Variants in ZFHX3 observed in about 807,000 individuals in gnomAD.
The protein encoded by ZFHX3 is zinc finger homeobox protein 3.
A neutral mutation model predicts 279.1 loss-of-function variants in ZFHX3; 42 were observed. That is an observed-to-expected ratio of 0.15 (90% CI 0.12 to 0.19). The LOEUF (loss-of-function observed/expected upper bound fraction) is 0.19. Ranked by LOEUF, ZFHX3 falls within the 10% of genes least tolerant of loss-of-function variation. The pLI is 1.00. For synonymous variants in ZFHX3, 2,293 were observed against 1,957.8 expected (o/e 1.17, Z -4.52); for missense variants, 4,981 against 4,754.0 (o/e 1.05, Z -1.40).
chr16:73,095,087 T>A (rs1251976264), intron 7 of ZFHX3, among the ~76,000 whole-genome samples: 24 of 151,914 alleles, frequency 1.6e-4, no homozygotes. Flanking sequence ...GCTTATCTTT[T>A]TTTACTTTTT....
At chr16:73,063,554 A>C (rs557235801), upstream of ZFHX3, among the ~76,000 whole-genome samples, 1 of 152,082 alleles carries the variant, frequency 6.6e-6, no homozygotes, top group Non-Finnish European at 1.5e-5. Flanking sequence ...CCAGATCTCA[A>C]AAGTTTGCTC....
intron 3 of ZFHX3, among the ~76,000 whole-genome samples, chr16:73,320,977 T>C (rs915214994): frequency 2.6e-5 from 4 of 152,182 alleles, no homozygotes; most frequent in African/African-American, 4.8e-5. Context: ...ACTGACTCAG[T>C]TCCTTCTTTG....
chr16:73,452,660 T>G (rs1236119985), intron 3 of ZFHX3, among the ~76,000 whole-genome samples: 1 of 152,210 alleles, frequency 6.6e-6, no homozygotes, highest in Non-Finnish European at 1.5e-5. Flanking sequence ...AACTAAGACA[T>G]TTGTGAAGAC....
chr16:73,488,328 T>C (rs1190320660), intron 2 of ZFHX3, among the ~76,000 whole-genome samples: 1 of 152,098 alleles, frequency 6.6e-6, no homozygotes, highest in Admixed American at 6.5e-5. Flanking sequence ...CAGCCTACTA[T>C]AGTGCTGATG....
At chr16:72,869,286 G>C (rs2038095669) in intron 4 of ZFHX3, among the ~76,000 whole-genome samples, 1 of 152,114 alleles carries the variant, frequency 6.6e-6, no homozygotes, top group African/African-American at 2.4e-5. Flanking sequence ...ACAGTTACCA[G>C]CCCCTCTGCC....
At chr16:73,758,535 C>G (rs1316006326) in intron 1 of ZFHX3, among the ~76,000 whole-genome samples, 2 of 152,186 alleles carry the variant, frequency 1.3e-5, no homozygotes, top group African/African-American at 2.4e-5. Context: ...TGGACACGGC[C>G]TTCGTGGGGC....
rs183259562 is a variant in ZFHX3, at chr16:73,234,545, G to A, written c.-1104+22502C>T. 1.1e-3 allele frequency among the ~76,000 whole-genome samples: 168 copies of A among 152,310 alleles called. 1 individual carries two copies. Among genetic ancestry groups the A allele is most frequent in the Non-Finnish European group, 1.4e-3 (92 of 68,036 alleles). On this transcript the variant is annotated intron_variant, in intron 5 of 17. Coordinates refer to the ZFHX3 transcript ENST00000641206. ...AACCTCATGATGGCCAAAGCCAGGCGGGCGGGGATTGCTTTCTGCTCTGGG... is the reference window on the plus strand; with the variant it reads ...AACCTCATGATGGCCAAAGCCAGGCAGGCGGGGATTGCTTTCTGCTCTGGG...
intron 5 of ZFHX3, among the ~76,000 whole-genome samples, chr16:73,153,946 C>T (rs538776476): frequency 1.4e-3 from 214 of 152,062 alleles, no homozygotes; most frequent in Non-Finnish European, 2.6e-3. Context: ...CCTCATGATC[C>T]GCCCGCCCCA....
chr16:72,798,568 T>C lies in ZFHX3; in HGVS notation c.4114A>G (p.Lys1372Glu). ...CWKKGCNQVF[K>E]TSAALQTHFN... ...TGCGTCTGAAGGGCAGCAGAAGTTT[T>C]GAAAACCTGGTTGCACCCCTTCTTC... Residue 1372 changes from lysine (K) to glutamate (E), a missense_variant, in exon 9 of 10, where the codon AAA becomes GAA. Coordinates refer to ENST00000268489, the MANE Select transcript of ZFHX3 (RefSeq NM_006885.4). 1 of 1,614,198 alleles carries C rather than the reference T, an allele frequency of 6.2e-7. No homozygotes were observed. The highest frequency in any genetic ancestry group is 1.1e-5 in the South Asian group (1 of 91,078).
At chr16:73,521,636 G>A in intron 2 of ZFHX3, among the ~76,000 whole-genome samples, 1 of 151,842 alleles carries the variant, frequency 6.6e-6, no homozygotes, top group East Asian at 1.9e-4. Context: ...AACGTAGAAA[G>A]GGGTGGAAAT....
At chr16:73,460,283 C>G (rs915870395) in intron 2 of ZFHX3, among the ~76,000 whole-genome samples, 6 of 152,064 alleles carry the variant, frequency 3.9e-5, no homozygotes, top group African/African-American at 1.4e-4. Flanking sequence ...TCTAAGTGGT[C>G]GCCTGTATCA....
Position 72,782,997 on chromosome 16 carries a change from C to G in ZFHX3, c.*4167G>C, listed in dbSNP as rs564269934. On this transcript the variant is annotated 3_prime_UTR_variant, in exon 10 of 10. Coordinates refer to ENST00000268489, the MANE Select transcript of ZFHX3 (RefSeq NM_006885.4). ...TCTACAATCAACTTAACTATGACAA[C>G]AAAGTTTTTGTGACAAATTTTTTTT... 2 of 152,516 alleles carry G rather than the reference C, an allele frequency of 1.3e-5. No individual in the cohort carries two copies. Among genetic ancestry groups the G allele is most frequent in the South Asian group, 4.1e-4 (2 of 4,822 alleles). 9.4% of individuals were successfully genotyped at this position (152,516 alleles called of 1,614,324 possible).
intron 5 of ZFHX3, among the ~76,000 whole-genome samples, chr16:73,198,359 G>A (rs935860364): frequency 1.8e-4 from 13 of 70,698 alleles, no homozygotes; most frequent in African/African-American, 6.9e-4. Context: ...TTTTTTTTTT[G>A]AAGTTTAACC....
At chr16:73,643,548 GCTTT>G (rs2052592002) in intron 2 of ZFHX3, among the ~76,000 whole-genome samples, 2 of 152,214 alleles carry the variant, frequency 1.3e-5, no homozygotes, top group Non-Finnish European at 2.9e-5. Flanking sequence ...CTTGAACTAT[GCTTT>G]AAACTCATGT....
chr16:73,392,418 CAAAAAAAAAAAAAAA>C (rs35019692), intron 3 of ZFHX3, among the ~76,000 whole-genome samples: 1 of 35,782 alleles, frequency 2.8e-5, no homozygotes, highest in Non-Finnish European at 4.8e-5. Flanking sequence ...GACCCTGTCT[CAAAAAAAAAAAAAAA>C]AAAAAAAAAA....
intron 1 of ZFHX3, among the ~76,000 whole-genome samples, chr16:73,716,692 A>G (rs2053419577): frequency 6.6e-6 from 1 of 151,848 alleles, no homozygotes; most frequent in Non-Finnish European, 1.5e-5. Flanking sequence ...CCTGTTCATA[A>G]TTGAACCGGT....
At chr16:73,141,020 T>C (rs1966846552) in intron 6 of ZFHX3, among the ~76,000 whole-genome samples, 1 of 152,196 alleles carries the variant, frequency 6.6e-6, no homozygotes, top group Admixed American at 6.5e-5. Flanking sequence ...CCCCATAGCA[T>C]AATCTTGTAA....
At chr16:73,577,922 A>G (rs993497197) in intron 2 of ZFHX3, among the ~76,000 whole-genome samples, 1 of 152,246 alleles carries the variant, frequency 6.6e-6, no homozygotes, top group Admixed American at 6.5e-5. Context: ...ATTAGGCTAC[A>G]GTGGTCATTT....
At chr16:73,574,160 G>A (rs925389140) in intron 2 of ZFHX3, among the ~76,000 whole-genome samples, 1 of 152,116 alleles carries the variant, frequency 6.6e-6, no homozygotes, top group Non-Finnish European at 1.5e-5. Context: ...AGTACAATGA[G>A]ACTGATTTCA....
Sources: gnomAD v4.1 joint callset for allele counts (sites outside exome capture counted in the v4.1 genomes callset) on GRCh38, gnomAD v4.1.1 for gene constraint, MANE v1.5 for transcripts, NCBI Gene and HGNC (gene_info 2026-07-23, HGNC 2026-07-21) for gene names.